Variants in ASMTL observed in about 807,000 individuals in gnomAD.
ASMTL encodes acetylserotonin O-methyltransferase like, also known as probable bifunctional dTTP/UTP pyrophosphatase/methyltransferase protein.
Under a neutral mutation model 60.3 loss-of-function variants are expected in ASMTL, and 57 were observed. The observed-to-expected ratio is 0.95, with a 90% CI of 0.76 to 1.18. ASMTL has a LOEUF of 1.18. Ranked by LOEUF, ASMTL falls within the 50% of genes most tolerant of loss-of-function variation. The pLI is 0.00. For synonymous variants in ASMTL, 419 were observed against 373.0 expected (o/e 1.12, Z -1.42); for missense variants, 981 against 852.6 (o/e 1.15, Z -1.88).
chrX:1,416,680 G>A (rs111161749), intron 11 of ASMTL, among the ~76,000 whole-genome samples: 13,656 of 149,882 alleles, frequency 0.091, 825 homozygotes, highest in Admixed American at 0.14. Context: ...ACACACAAAC[G>A]CAGATGCAGA....
At chrX:1,412,711 A>G (rs1569531563) in intron 12 of ASMTL, 21 bp downstream of exon 12, 1 of 1,613,876 alleles carries the variant, frequency 6.2e-7, no homozygotes. Flanking sequence ...AAAAACAGCT[A>G]ACCTGACGAT....
Position 1,452,751 on chromosome X carries a change from G to T in ASMTL, c.90C>A (p.Asn30Lys), listed in dbSNP as rs1353027131. ...ASPRRQEILS[N>K]AGLRFEVVPS... ...CCCGCCCAGGCCCAGGCCGTACCGC[G>T]TTGCTGAGGATCTCCTGACGGCGTG... Residue 30 changes from asparagine to lysine, a missense_variant, in exon 1 of 13, where the codon AAC (asparagine) becomes AAA (lysine). Transcript: ENST00000381317. The T allele has an allele frequency of 6.3e-6, 10 of 1,586,978 alleles. No individual in the cohort carries two copies. In the East Asian group the frequency reaches 1.8e-4, roughly 29 times the overall value.
At chrX:1,451,844 C>T (rs1476714387) in intron 1 of ASMTL, among the ~76,000 whole-genome samples, 2 of 146,418 alleles carry the variant, frequency 1.4e-5, no homozygotes, top group Admixed American at 6.7e-5. Context: ...CTCCCCATCC[C>T]CATCCATGGG....
At chrX:1,440,431 G>A (rs1226851687) in intron 2 of ASMTL, among the ~76,000 whole-genome samples, 2 of 152,130 alleles carry the variant, frequency 1.3e-5, no homozygotes, top group African/African-American at 4.8e-5. Context: ...TATATTGTGT[G>A]GTAACACACA....
intron 12 of ASMTL, among the ~76,000 whole-genome samples, chrX:1,407,563 A>C (rs2089913472): frequency 6.6e-6 from 1 of 151,918 alleles, no homozygotes; most frequent in Non-Finnish European, 1.5e-5. Flanking sequence ...ATAGATAATA[A>C]ATGATAGACA....
At chrX:1,448,186 T>A (rs1391358630) in intron 1 of ASMTL, among the ~76,000 whole-genome samples, 3 of 150,738 alleles carry the variant, frequency 2.0e-5, no homozygotes, top group Admixed American at 2.0e-4. Flanking sequence ...CACACCGCCA[T>A]CTTGGATAAG....
Position 1,452,751 on chromosome X carries a change from G to A in ASMTL, c.90C>T (p.Asn30=), listed in dbSNP as rs1353027131. ...ASPRRQEILS[N]AGLRFEVVPS... The stretch of plus-strand genomic sequence containing the variant: ...CCCGCCCAGGCCCAGGCCGTACCGC[G>A]TTGCTGAGGATCTCCTGACGGCGTG... Residue 30 remains asparagine, a synonymous_variant, in exon 1 of 13, where the codon AAC becomes AAT. Transcript: ENST00000381317. 1.3e-6 allele frequency: 2 copies of A among 1,587,098 alleles called. No homozygotes were observed. The highest frequency in any genetic ancestry group is 8.5e-7 in the Non-Finnish European group (1 of 1,173,158).
chrX:1,417,073 C>G (rs2090310664), intron 11 of ASMTL, among the ~76,000 whole-genome samples: 1 of 151,944 alleles, frequency 6.6e-6, no homozygotes, highest in Non-Finnish European at 1.5e-5. Context: ...CACACAGACA[C>G]ACACCATGCA....
chrX:1,445,384 G>A (rs2091210740), intron 1 of ASMTL, among the ~76,000 whole-genome samples: 2 of 152,064 alleles, frequency 1.3e-5, no homozygotes, highest in South Asian at 2.1e-4. Context: ...TTCCAACCTG[G>A]CCAAACTTGG....
intron 7 of ASMTL, among the ~76,000 whole-genome samples, chrX:1,426,161 C>T (rs1387505763): frequency 6.6e-6 from 1 of 152,118 alleles, no homozygotes; most frequent in East Asian, 1.9e-4. Flanking sequence ...GAGAAGACAG[C>T]ATCTCCAAGC....
intron 5 of ASMTL, among the ~76,000 whole-genome samples, chrX:1,434,489 C>CAAA (rs34994213): frequency 6.6e-4 from 75 of 113,860 alleles, no homozygotes; most frequent in South Asian, 3.6e-3. Context: ...GACCCTGTCT[C>CAAA]AAAAAAAAAA....
chrX:1,405,051 C>T (rs1483760183), intron 12 of ASMTL, among the ~76,000 whole-genome samples: 9 of 119,354 alleles, frequency 7.5e-5, no homozygotes, highest in Non-Finnish European at 1.2e-4. Flanking sequence ...ATGATGGGTA[C>T]GTAGATAGAT....
rs1239890329 is a variant in ASMTL, at chrX:1,429,734, T to C, written c.510-1613A>G. The stretch of plus-strand genomic sequence containing the variant: ...ATCGTTTGAAACTGGAAGGTGGAGG[T>C]TGCAGTGAGCCAAGATCGCGCCACT... On this transcript the variant is annotated intron_variant, in intron 6 of 12. Transcript: ENST00000381317. Among the ~76,000 whole-genome samples, 25 of 151,706 alleles carry C rather than the reference T, an allele frequency of 1.6e-4. 1 individual carries two copies. The highest frequency in any genetic ancestry group is 5.6e-4 in the African/African-American group (23 of 41,368).
At chrX:1,407,993 C>T (rs1267458733) in intron 12 of ASMTL, among the ~76,000 whole-genome samples, 1 of 149,606 alleles carries the variant, frequency 6.7e-6, no homozygotes, top group African/African-American at 2.5e-5. Flanking sequence ...TCGCTTGAGC[C>T]CAGGAAGGGT....
At chrX:1,423,743 TCCATCCATCCTC>T (rs200488197) in intron 8 of ASMTL, among the ~76,000 whole-genome samples, 93,143 of 141,560 alleles carry the variant, frequency 0.66, 31,535 homozygotes, top group South Asian at 0.86. Flanking sequence ...GATACATCTA[TCCATCCATCCTC>T]CCATCCATCC....
At chrX:1,411,215 AAGAG>A (rs1223419873) in intron 12 of ASMTL, among the ~76,000 whole-genome samples, 7 of 81,482 alleles carry the variant, frequency 8.6e-5, no homozygotes, top group Admixed American at 3.1e-4. Flanking sequence ...TACACAGAGA[AAGAG>A]AGAAAGAAGG....
chrX:1,442,881 TG>T (rs2091137177), intron 1 of ASMTL, among the ~76,000 whole-genome samples: 1 of 152,158 alleles, frequency 6.6e-6, no homozygotes, highest in Non-Finnish European at 1.5e-5. Context: ...TCAGGAATGA[TG>T]GTGGTAAATG....
At chrX:1,412,420 G>T (rs1435508204) in intron 12 of ASMTL, among the ~76,000 whole-genome samples, 1 of 152,040 alleles carries the variant, frequency 6.6e-6, no homozygotes, top group Non-Finnish European at 1.5e-5. Context: ...TAGAGACGGG[G>T]TTTCACCATG....
At position 1,452,795 on chromosome X, in the gene ASMTL, C is replaced by T; in HGVS notation, c.46G>A (p.Val16Met). Reference protein sequence around the residue: ...VIGKLLHKRVVLASASPRRQE... With the variant: ...VIGKLLHKRVMLASASPRRQE... The stretch of plus-strand genomic sequence containing the variant: ...CGGCGTGGGGAGGCGCTGGCCAGCA[C>T]CACGCGCTTGTGCAGCAGCTTCCCA... Residue 16 changes from valine to methionine, a missense_variant, in exon 1 of 13, where the codon GTG becomes ATG. By Grantham distance (21) the Val-to-Met change is conservative. Transcript: ENST00000381317. 6.3e-7 allele frequency: 1 copy of T among 1,597,260 alleles called. No individual in the cohort carries two copies. Among genetic ancestry groups the T allele is most frequent in the South Asian group, 1.1e-5 (1 of 89,764 alleles).
Sources: gnomAD v4.1 joint callset for allele counts (sites outside exome capture counted in the v4.1 genomes callset) on GRCh38, gnomAD v4.1.1 for gene constraint, MANE v1.5 for transcripts, NCBI Gene and HGNC (gene_info 2026-07-23, HGNC 2026-07-21) for gene names.